GALNTL6: variants seen among roughly 807,000 people sequenced by gnomAD.
GALNTL6 encodes polypeptide N-acetylgalactosaminyltransferase like 6.
GALNTL6 carries 46 observed loss-of-function variants against 73.7 expected under a neutral mutation model. That is an observed-to-expected ratio of 0.62 (90% CI 0.49 to 0.80). The LOEUF is 0.80. Among genes scored for constraint, GALNTL6 ranks in the 30% least tolerant of loss-of-function variants. The pLI is 0.00. For synonymous variants in GALNTL6, 259 were observed against 263.7 expected (o/e 0.98, Z 0.17); for missense variants, 604 against 755.0 (o/e 0.80, Z 2.34).
Position 171,951,445 on chromosome 4 carries a change from G to A in GALNTL6, c.138+136727G>A, listed in dbSNP as rs191995624. 2.0e-3 allele frequency among the ~76,000 whole-genome samples: 310 copies of A among 152,002 alleles called. 1 individual carries two copies. Among genetic ancestry groups the A allele is most frequent in the Non-Finnish European group, 3.6e-3 (241 of 67,874 alleles). ...TAACTGCAAGGAGAAATTAATGAAT[G>A]CAACAAAAATGGGAGATTTTAGCAA... On this transcript the variant is annotated intron_variant, in intron 2 of 12. Coordinates refer to ENST00000506823, the MANE Select transcript of GALNTL6 (RefSeq NM_001034845.3).
intron 3 of GALNTL6, among the ~76,000 whole-genome samples, chr4:172,278,243 A>G (rs1738904245): frequency 6.6e-6 from 1 of 152,190 alleles, no homozygotes; most frequent in South Asian, 2.1e-4. Flanking sequence ...AATGTTTAAT[A>G]AGATATTTCT....
At position 172,557,130 on chromosome 4, in the gene GALNTL6, A is replaced by G. The variant is rs114717917; in HGVS notation, c.553+208441A>G. On this transcript the variant is annotated intron_variant, in intron 5 of 12. Transcript: ENST00000506823. ...GTTGCATTTTCCCTGCTGTAGCATA[A>G]TCAATGGGAGCCTATCTTAGGAGTT... is the stretch of plus-strand genomic sequence containing the variant. Among the ~76,000 whole-genome samples, 1,316 of 152,260 alleles carry G rather than the reference A, an allele frequency of 8.6e-3. 14 individuals carry two copies. The highest frequency in any genetic ancestry group is 0.041 in the East Asian group (212 of 5,184).
intron 2 of GALNTL6, among the ~76,000 whole-genome samples, chr4:172,091,654 T>C (rs997437817): frequency 5.3e-5 from 8 of 152,210 alleles, no homozygotes; most frequent in African/African-American, 1.9e-4. Context: ...CCTCTTATAA[T>C]AATATAAAAG....
rs545695623 is a variant in GALNTL6 at position 172,087,259 on chromosome 4, A to C, written c.139-142397A>C. Among the ~76,000 whole-genome samples, 33 of 152,064 alleles carry C rather than the reference A, an allele frequency of 2.2e-4. No individual in the cohort carries two copies. In the East Asian group the frequency reaches 5.6e-3, roughly 26 times the overall value. On this transcript the variant is annotated intron_variant, in intron 2 of 12. Coordinates refer to ENST00000506823, the MANE Select transcript of GALNTL6 (RefSeq NM_001034845.3). ...GAGATTGAGACCATCCTGGCTAACA[A>C]GGTGAAACCCCGTCTCTACTAAAAA...
intron 2 of GALNTL6, among the ~76,000 whole-genome samples, chr4:172,024,312 C>A (rs1741490390): frequency 6.6e-6 from 1 of 151,594 alleles, no homozygotes. Flanking sequence ...CTTTCTTATG[C>A]TTTGTTTAAT....
At chr4:171,817,866 A>G (rs894428290) in intron 2 of GALNTL6, among the ~76,000 whole-genome samples, 7 of 151,750 alleles carry the variant, frequency 4.6e-5, no homozygotes, top group African/African-American at 1.4e-4. Context: ...TGAAATAAAT[A>G]TGAAGTTTTT....
chr4:171,952,464 T>C (rs1422505773), intron 2 of GALNTL6, among the ~76,000 whole-genome samples: 1 of 152,014 alleles, frequency 6.6e-6, no homozygotes, highest in Non-Finnish European at 1.5e-5. Context: ...TTAAATTAAA[T>C]GCAAAAGCCT....
At chr4:172,620,293 G>C (rs1738903890) in intron 5 of GALNTL6, among the ~76,000 whole-genome samples, 2 of 129,534 alleles carry the variant, frequency 1.5e-5, no homozygotes, top group African/African-American at 6.6e-5. Context: ...AATTGTGCTT[G>C]TTTCTGTTCT....
Position 172,510,822 on chromosome 4 carries a change from A to C in GALNTL6, c.553+162133A>C, listed in dbSNP as rs1265271817. Among the ~76,000 whole-genome samples the C allele has an allele frequency of 3.3e-4, 18 of 54,920 alleles. 7 individuals are homozygous for C. Among genetic ancestry groups the C allele is most frequent in the African/African-American group, 8.2e-4 (18 of 21,976 alleles). The allele number at this position is 54,920 out of a possible 152,430, so 36.0% of individuals were successfully genotyped here. A position where few individuals can be genotyped will look rare whatever the true frequency, so the allele number is the denominator to read the frequency against. ...TTGATCACGGTGAATTATCTTTTTG[A>C]TATGCTGTTAGATTTGCTTAGCTAG... On this transcript the variant is annotated intron_variant, in intron 5 of 12. Coordinates refer to ENST00000506823, the MANE Select transcript of GALNTL6 (RefSeq NM_001034845.3).
chr4:172,559,813 CAT>C (rs1376249573), intron 5 of GALNTL6, among the ~76,000 whole-genome samples: 2 of 152,154 alleles, frequency 1.3e-5, no homozygotes, highest in African/African-American at 4.8e-5. Flanking sequence ...TTTTAATAAA[CAT>C]ATTATCATGG....
At chr4:171,989,345 G>C (rs915956555) in intron 2 of GALNTL6, among the ~76,000 whole-genome samples, 3 of 152,162 alleles carry the variant, frequency 2.0e-5, no homozygotes, top group African/African-American at 7.2e-5. Context: ...AGAGCCTTGG[G>C]CCAGCATTCC....
intron 2 of GALNTL6, among the ~76,000 whole-genome samples, chr4:172,076,000 ATTGT>A (rs1446071872): frequency 9.2e-5 from 14 of 152,196 alleles, no homozygotes; most frequent in African/African-American, 2.7e-4. Context: ...GGCTTAATTA[ATTGT>A]TTGGTCTCTT....
intron 5 of GALNTL6, among the ~76,000 whole-genome samples, chr4:172,776,611 T>C (rs1250554352): frequency 1.3e-5 from 2 of 152,206 alleles, no homozygotes; most frequent in Non-Finnish European, 2.9e-5. Flanking sequence ...AATCAAGGGA[T>C]ACTTTTAAGA....
intron 4 of GALNTL6, among the ~76,000 whole-genome samples, chr4:172,326,358 T>A (rs1204019897): frequency 6.6e-6 from 1 of 152,010 alleles, no homozygotes; most frequent in Non-Finnish European, 1.5e-5. Context: ...TTCTATCAAC[T>A]TTCGCTTCAT....
chr4:172,485,642 C>T (rs566390106), intron 5 of GALNTL6, among the ~76,000 whole-genome samples: 15 of 152,018 alleles, frequency 9.9e-5, no homozygotes, highest in Non-Finnish European at 1.9e-4. Context: ...AAATTAACCA[C>T]AAAAATATAA....
At chr4:171,962,943 T>G (rs1454280533) in intron 2 of GALNTL6, among the ~76,000 whole-genome samples, 1 of 151,858 alleles carries the variant, frequency 6.6e-6, no homozygotes, top group Non-Finnish European at 1.5e-5. Flanking sequence ...AATTTTTGTA[T>G]TTTTAATAGA....
chr4:172,888,057 A>G (rs527515700), intron 8 of GALNTL6, among the ~76,000 whole-genome samples: 1 of 152,176 alleles, frequency 6.6e-6, no homozygotes, highest in East Asian at 1.9e-4. Context: ...TTGTTGATTC[A>G]TTTAGGTTCC....
intron 5 of GALNTL6, among the ~76,000 whole-genome samples, chr4:172,369,430 C>T (rs894184946): frequency 6.6e-5 from 10 of 152,224 alleles, no homozygotes; most frequent in Admixed American, 4.6e-4. Flanking sequence ...TAGTGGATCC[C>T]GTGCCAGGGC....
intron 2 of GALNTL6, among the ~76,000 whole-genome samples, chr4:172,193,236 G>C (rs1281171465): frequency 6.6e-6 from 1 of 152,190 alleles, no homozygotes; most frequent in Non-Finnish European, 1.5e-5. Context: ...CCCACCGACA[G>C]GGGTCACTAG....
Sources: gnomAD v4.1 joint callset for allele counts (sites outside exome capture counted in the v4.1 genomes callset) on GRCh38, gnomAD v4.1.1 for gene constraint, MANE v1.5 for transcripts, NCBI Gene and HGNC (gene_info 2026-07-23, HGNC 2026-07-21) for gene names.